The following ACOX3 variants were observed in gnomAD, a reference collection of about 807,000 sequenced individuals.
The protein encoded by ACOX3 is peroxisomal acyl-coenzyme A oxidase 3.
A neutral mutation model predicts 81.5 loss-of-function variants in ACOX3; 73 were observed. The ratio of observed to expected loss-of-function variants is 0.90; its 90% CI spans 0.74 to 1.09. The LOEUF (loss-of-function observed/expected upper bound fraction) is 1.09. Among genes scored for constraint, ACOX3 ranks in the 50% least tolerant of loss-of-function variants. ACOX3 has a pLI of 0.00. For missense variants in ACOX3, 947 were observed against 928.0 expected (o/e 1.02, Z -0.27); for synonymous variants, 387 against 375.1 (o/e 1.03, Z -0.37).
intron 1 of ACOX3, among the ~76,000 whole-genome samples, chr4:8,427,714 C>T (rs1219892982): frequency 5.3e-5 from 8 of 152,204 alleles, no homozygotes; most frequent in Admixed American, 5.2e-4. Flanking sequence ...GAGCAAGAGC[C>T]TTGCTGCCAT....
In ACOX3 at chr4:8,424,754, GT is replaced by G. The variant is rs1166009832; in HGVS notation, c.-14-8220del. Among the ~76,000 whole-genome samples the G allele has an allele frequency of 2.0e-5, 3 of 152,318 alleles. No homozygotes were observed. The East Asian group carries it at 5.8e-4, about 29-fold the overall frequency. ...AATGAAGAAAAGATAAAACATAACT[GT>G]CAACAGGTGATTGCTCAAACCTACG... On this transcript the variant is annotated intron_variant, in intron 1 of 17. Coordinates refer to ENST00000356406, the MANE Select transcript of ACOX3 (RefSeq NM_003501.3).
At chr4:8,393,595 TAAG>T (rs1719282979) in intron 10 of ACOX3, among the ~76,000 whole-genome samples, 1 of 145,434 alleles carries the variant, frequency 6.9e-6, no homozygotes, top group Admixed American at 6.8e-5. Flanking sequence ...GAAAAACAAT[TAAG>T]AGGAAGACAC....
Position 8,415,066 on chromosome 4 carries a change from G to C in ACOX3, c.379-138C>G. On this transcript the variant is annotated intron_variant, in intron 3 of 17. Transcript: ENST00000356406. The stretch of plus-strand genomic sequence containing the variant: ...CACACTGCACTTTCCCCAAGGTGGA[G>C]AACAAGTGCTGAGAGGTTAGCCAGC... 4 of 826,476 alleles carry C rather than the reference G, an allele frequency of 4.8e-6. No individual in the cohort carries two copies. The South Asian group carries it at 6.2e-5, about 13-fold the overall frequency. 51.2% of individuals were successfully genotyped at this position (826,476 alleles called of 1,614,324 possible).
intron 16 of ACOX3, among the ~76,000 whole-genome samples, chr4:8,373,006 G>A (rs559599790): frequency 1.3e-5 from 2 of 152,252 alleles, no homozygotes; most frequent in East Asian, 1.9e-4. Context: ...TTCTGTCCCC[G>A]GATGGAAGAG....
rs377068333 is a variant in ACOX3, at chr4:8,367,245, C to T, written c.1984-165G>A. On this transcript the variant is annotated intron_variant, in intron 17 of 17. Coordinates refer to ENST00000356406, the MANE Select transcript of ACOX3 (RefSeq NM_003501.3). Reference sequence around the variant, plus strand: ...CCGTAATCCCAGCATTTTGGGAGGCCGAGGTAGGCAGATCACCTGAGGTCG... The same window carrying T: ...CCGTAATCCCAGCATTTTGGGAGGCTGAGGTAGGCAGATCACCTGAGGTCG... Among the ~76,000 whole-genome samples the T allele has an allele frequency of 2.6e-4, 39 of 152,204 alleles. 1 individual carries two copies. Among genetic ancestry groups the T allele is most frequent in the East Asian group, 1.7e-3 (9 of 5,184 alleles).
chr4:8,403,722 A>G (rs1331515144), intron 7 of ACOX3, among the ~76,000 whole-genome samples: 1 of 152,230 alleles, frequency 6.6e-6, no homozygotes, highest in Non-Finnish European at 1.5e-5. Flanking sequence ...TCCTTTGAAT[A>G]TTATCCCAGT....
chr4:8,388,043 C>T (rs572443203), intron 13 of ACOX3, among the ~76,000 whole-genome samples: 5 of 152,246 alleles, frequency 3.3e-5, no homozygotes, highest in Admixed American at 2.0e-4. Flanking sequence ...GCTCACCTCC[C>T]GTCATTCACA....
chr4:8,416,038 A>C lies in ACOX3; in HGVS notation c.145-39T>G, dbSNP rs779505243. On this transcript the variant is annotated intron_variant, in intron 2 of 17. Transcript: ENST00000356406. This position sits in a 1 kb window ranked among gnomAD's most constrained non-coding sequence, Gnocchi z 4.2. ...AGATGGGTAAGGCTTATTTGGAGTA[A>C]AAGATGGACTCTCCATGTGCCCTTA... The C allele has an allele frequency of 1.9e-6, 3 of 1,583,816 alleles. No individual in the cohort carries two copies. The African/African-American group carries it at 4.0e-5, about 21-fold the overall frequency.
intron 16 of ACOX3, among the ~76,000 whole-genome samples, chr4:8,371,978 G>A (rs373652193): frequency 2.6e-5 from 4 of 152,238 alleles, no homozygotes; most frequent in Non-Finnish European, 1.5e-5. Context: ...CTAGTGGATG[G>A]CTGGCAACTT....
At chr4:8,422,967 A>T (rs1723108655) in intron 1 of ACOX3, among the ~76,000 whole-genome samples, 1 of 152,212 alleles carries the variant, frequency 6.6e-6, no homozygotes, top group African/African-American at 2.4e-5. Flanking sequence ...TTCAGTCAGA[A>T]GCCACTAACC....
chr4:8,433,492 G>A (rs1320082607), intron 1 of ACOX3, among the ~76,000 whole-genome samples: 1 of 152,216 alleles, frequency 6.6e-6, no homozygotes, highest in Non-Finnish European at 1.5e-5. Flanking sequence ...AATGCGTGTT[G>A]TTTTAAGCCA....
At position 8,385,363 on chromosome 4, in the gene ACOX3, C is replaced by T. The variant is rs921262590; in HGVS notation, c.1538-3756G>A. ...TCACATGACCTCACTGTGCACTCCA[C>T]GTGACCTCACCACTCACCCCATGTG... On this transcript the variant is annotated intron_variant, in intron 13 of 17. Transcript: ENST00000356406. This position sits in a 1 kb window ranked among gnomAD's most constrained non-coding sequence, Gnocchi z 5.5. Among the ~76,000 whole-genome samples the T allele has an allele frequency of 1.3e-5, 2 of 152,262 alleles. No individual in the cohort carries two copies. Among genetic ancestry groups the T allele is most frequent in the African/African-American group, 4.8e-5 (2 of 41,544 alleles).
rs748238645 is a variant in ACOX3 at position 8,384,098 on chromosome 4, C to T, written c.1538-2491G>A. 1.3e-5 allele frequency among the ~76,000 whole-genome samples: 2 copies of T among 152,180 alleles called. No individual in the cohort carries two copies. The highest frequency in any genetic ancestry group is 3.9e-4 in the East Asian group (2 of 5,184). ...CGGTGGACACTTCACGGCAGTTACC[C>T]GAGTTTTCCAATCTGTCTCTGCAAC... is the stretch of plus-strand genomic sequence containing the variant. On this transcript the variant is annotated intron_variant, in intron 13 of 17. Transcript: ENST00000356406. This position sits in a 1 kb window ranked among gnomAD's most constrained non-coding sequence, Gnocchi z 5.3.
At chr4:8,374,647 G>C in intron 15 of ACOX3, 1 of 245,636 alleles carries the variant, frequency 4.1e-6, no homozygotes, top group East Asian at 7.6e-5. Flanking sequence ...CTCCTGGCTC[G>C]TGTCTGTCTG....
chr4:8,409,874 A>G (rs1721511926), intron 6 of ACOX3, among the ~76,000 whole-genome samples: 1 of 144,128 alleles, frequency 6.9e-6, no homozygotes, highest in Non-Finnish European at 1.5e-5. Flanking sequence ...GTGGGGCTGT[A>G]GGATACACTG....
At chr4:8,439,087 ACT>A (rs1319598143) in intron 1 of ACOX3, 1 of 152,164 alleles carries the variant, frequency 6.6e-6, no homozygotes, top group African/African-American at 2.4e-5. Flanking sequence ...TTCCTGTAAT[ACT>A]GTTTTCCTAT....
intron 6 of ACOX3, among the ~76,000 whole-genome samples, chr4:8,408,826 C>T (rs966400566): frequency 1.6e-4 from 23 of 146,896 alleles, no homozygotes; most frequent in Non-Finnish European, 3.1e-4. Context: ...AGGCACAGGC[C>T]ACAACCTGGA....
At chr4:8,363,065 C>G (rs1336035961), downstream of ACOX3, among the ~76,000 whole-genome samples, 5 of 152,182 alleles carry the variant, frequency 3.3e-5, no homozygotes, top group Non-Finnish European at 5.9e-5. Flanking sequence ...AAGTTTGTTT[C>G]TGCAATTTAG....
In ACOX3 at chr4:8,366,950, T is replaced by C; in HGVS notation, c.*11A>G. ...GTTTCATTAGACTTGGCTGAATGTG[T>C]GCCAGTCCCACTAGAGCTTCGATTT... On this transcript the variant is annotated 3_prime_UTR_variant, in exon 18 of 18. Transcript: ENST00000356406. The C allele has an allele frequency of 6.2e-7, 1 of 1,613,562 alleles. No homozygotes were observed. Among genetic ancestry groups the C allele is most frequent in the Non-Finnish European group, 8.5e-7 (1 of 1,179,686 alleles).
Sources: allele counts gnomAD v4.1 joint callset (sites outside exome capture counted in the v4.1 genomes callset), GRCh38; gene constraint gnomAD v4.1.1; non-coding constraint Gnocchi (gnomAD v3.1); transcripts MANE v1.5; gene names NCBI Gene and HGNC (gene_info 2026-07-23, HGNC 2026-07-21).